MAGI1: variants seen among roughly 807,000 people sequenced by gnomAD.
MAGI1 encodes membrane-associated guanylate kinase, WW and PDZ domain-containing protein 1.
MAGI1 carries 58 observed loss-of-function variants against 139.9 expected under a neutral mutation model. The observed-to-expected ratio is 0.41, with a 90% confidence interval of 0.34 to 0.52. MAGI1 has a LOEUF of 0.52. Ranked by LOEUF, MAGI1 falls within the 20% of genes least tolerant of loss-of-function variation. The pLI is 0.12. For missense variants in MAGI1, 1,874 were observed against 1,901.6 expected (o/e 0.99, Z 0.27); for synonymous variants, 812 against 737.9 (o/e 1.10, Z -1.63).
At chr3:65,955,920 CTG>C (rs2064105166) in intron 1 of MAGI1, among the ~76,000 whole-genome samples, 1 of 152,110 alleles carries the variant, frequency 6.6e-6, no homozygotes, top group African/African-American at 2.4e-5. Flanking sequence ...CAAAACTTCT[CTG>C]TGTCAAAACA....
At chr3:65,539,820 A>T (rs1470040069) in intron 2 of MAGI1, among the ~76,000 whole-genome samples, 1 of 152,222 alleles carries the variant, frequency 6.6e-6, no homozygotes, top group African/African-American at 2.4e-5. Context: ...CTTTCACCAC[A>T]GTAGTTTTCA....
intron 1 of MAGI1, among the ~76,000 whole-genome samples, chr3:65,919,547 G>A (rs928355074): frequency 6.6e-6 from 1 of 151,452 alleles, no homozygotes. Flanking sequence ...AGGTGACAGA[G>A]CAAGACCCTG....
At chr3:65,571,119 C>G (rs1348760284) in intron 2 of MAGI1, among the ~76,000 whole-genome samples, 1 of 152,132 alleles carries the variant, frequency 6.6e-6, no homozygotes, top group Admixed American at 6.5e-5. Context: ...CAATTTTGAA[C>G]ATGAAATATT....
In MAGI1 at chr3:65,967,579, C is replaced by T. The variant is rs148191657; in HGVS notation, c.313+70417G>A. ...CAGATGGGCTGTAAAACTGGGTCCT[C>T]TGCCAGCTAAGCTAGAGAAACCATC... is the stretch of plus-strand genomic sequence containing the variant. On this transcript the variant is annotated intron_variant, in intron 1 of 22. Coordinates refer to ENST00000402939, the MANE Select transcript of MAGI1 (RefSeq NM_001033057.2). Among the ~76,000 whole-genome samples the T allele has an allele frequency of 7.7e-3, 1,167 of 152,340 alleles. 14 individuals are homozygous for T. The highest frequency in any genetic ancestry group is 0.027 in the African/African-American group (1,114 of 41,578).
chr3:65,998,797 CA>C (rs1321666071), intron 1 of MAGI1, among the ~76,000 whole-genome samples: 1 of 151,980 alleles, frequency 6.6e-6, no homozygotes, highest in East Asian at 1.9e-4. Context: ...TCATCTAATG[CA>C]AAAAGCCTTG....
chr3:65,377,702 A>C (rs1942663605), intron 17 of MAGI1, among the ~76,000 whole-genome samples: 1 of 152,182 alleles, frequency 6.6e-6, no homozygotes, highest in Non-Finnish European at 1.5e-5. Flanking sequence ...TTTTAAAACA[A>C]AACCAAAAAA....
At chr3:65,930,179 A>T (rs185116432) in intron 1 of MAGI1, among the ~76,000 whole-genome samples, 1 of 151,698 alleles carries the variant, frequency 6.6e-6, no homozygotes, top group African/African-American at 2.4e-5. Context: ...AGTCGGGCGC[A>T]GTGGCGGGCG....
At chr3:65,590,115 G>T in intron 2 of MAGI1, among the ~76,000 whole-genome samples, 1 of 152,086 alleles carries the variant, frequency 6.6e-6, no homozygotes, top group Non-Finnish European at 1.5e-5. Flanking sequence ...CGCATCACCA[G>T]TGTCTCCTCT....
intron 1 of MAGI1, among the ~76,000 whole-genome samples, chr3:65,880,908 C>CGCGTGTGTGTGTGTGTGTGTGTGT (rs2060298851): frequency 6.9e-6 from 1 of 145,580 alleles, no homozygotes; most frequent in African/African-American, 2.6e-5. Flanking sequence ...ATATCTCTGG[C>CGCGTGTGTGTGTGTGTGTGTGTGT]GTGTGTGTGT....
intron 1 of MAGI1, among the ~76,000 whole-genome samples, chr3:65,899,656 A>C (rs897309707): frequency 7.9e-5 from 12 of 152,244 alleles, no homozygotes; most frequent in Admixed American, 1.3e-4. Context: ...CTCATGTTTT[A>C]TGCTGGAAAA....
intron 1 of MAGI1, among the ~76,000 whole-genome samples, chr3:65,929,106 A>G (rs1399566945): frequency 2.6e-5 from 4 of 151,662 alleles, no homozygotes; most frequent in Admixed American, 2.0e-4. Flanking sequence ...GTGAGCCATG[A>G]TCCTGCCGGT....
chr3:65,968,799 T>C (rs1318768349), intron 1 of MAGI1, among the ~76,000 whole-genome samples: 4 of 152,144 alleles, frequency 2.6e-5, no homozygotes, highest in Non-Finnish European at 4.4e-5. Flanking sequence ...TATACGAATA[T>C]TCTACATAAG....
chr3:66,012,466 G>C (rs2067373001), intron 1 of MAGI1, among the ~76,000 whole-genome samples: 1 of 152,058 alleles, frequency 6.6e-6, no homozygotes, highest in Non-Finnish European at 1.5e-5. Flanking sequence ...GTAATAACTA[G>C]CTAATTTCAG....
At chr3:65,885,397 C>T (rs78557206) in intron 1 of MAGI1, among the ~76,000 whole-genome samples, 5 of 127,756 alleles carry the variant, frequency 3.9e-5, no homozygotes, top group African/African-American at 5.7e-5. Context: ...AACTCTGTCT[C>T]AAAAAAAAAA....
At chr3:65,614,400 A>G (rs2083269701) in intron 2 of MAGI1, among the ~76,000 whole-genome samples, 1 of 152,204 alleles carries the variant, frequency 6.6e-6, no homozygotes, top group African/African-American at 2.4e-5. Flanking sequence ...CTGTAAGTGT[A>G]TGCACTTGAG....
In MAGI1 at chr3:65,530,766, TATATATAC is replaced by T. The variant is rs1256758524; in HGVS notation, c.431-37143_431-37136del. Among the ~76,000 whole-genome samples, 51 of 16,322 alleles carry T rather than the reference TATATATAC, an allele frequency of 3.1e-3. 6 individuals are homozygous for T. In the East Asian group the frequency reaches 0.047, roughly 15 times the overall value. The allele number at this position is 16,322 out of a possible 152,430, so 10.7% of individuals were successfully genotyped here. A position where few individuals can be genotyped will look rare whatever the true frequency, so the allele number is the denominator to read the frequency against. On this transcript the variant is annotated intron_variant, in intron 2 of 22. Transcript: ENST00000402939. ...GCACATATATATACACGTATATATA[TATATATAC>T]ACACATATATATACACGTATATATA...
intron 1 of MAGI1, among the ~76,000 whole-genome samples, chr3:65,833,572 T>C (rs1365745691): frequency 2.0e-5 from 3 of 152,222 alleles, no homozygotes; most frequent in Non-Finnish European, 4.4e-5. Context: ...CAAATATCTA[T>C]TTACTAGTGT....
intron 12 of MAGI1, among the ~76,000 whole-genome samples, chr3:65,416,140 G>A (rs1441161850): frequency 1.3e-5 from 2 of 152,164 alleles, no homozygotes; most frequent in Non-Finnish European, 2.9e-5. Context: ...TCATGTTTAT[G>A]TAACTATAAG....
chr3:65,683,490 G>GAAAA (rs200435185), intron 1 of MAGI1, among the ~76,000 whole-genome samples: 1 of 150,592 alleles, frequency 6.6e-6, no homozygotes, highest in East Asian at 2.0e-4. Context: ...AAAAAGAAAA[G>GAAAA]AAAAAAAAGA....
Sources: allele counts gnomAD v4.1 joint callset (sites outside exome capture counted in the v4.1 genomes callset), GRCh38; gene constraint gnomAD v4.1.1; transcripts MANE v1.5; gene names NCBI Gene and HGNC (gene_info 2026-07-23, HGNC 2026-07-21).